The following ROBO2 variants were observed in gnomAD, a reference collection of about 807,000 sequenced individuals.
ROBO2 encodes roundabout homolog 2.
A neutral mutation model predicts 160.8 loss-of-function variants in ROBO2; 53 were observed. The ratio of observed to expected loss-of-function variants is 0.33; its 90% CI spans 0.26 to 0.41. The LOEUF (loss-of-function observed/expected upper bound fraction) is 0.41. Ranked by LOEUF, ROBO2 falls within the 10% of genes least tolerant of loss-of-function variation. ROBO2 has a pLI of 1.00. For synonymous variants in ROBO2, 664 were observed against 611.7 expected, an observed-to-expected ratio of 1.09 and a Z score of -1.26; for missense variants, 1,577 against 1,722.4, an observed-to-expected ratio of 0.92 and a Z score of 1.49.
intron 2 of ROBO2, among the ~76,000 whole-genome samples, chr3:77,289,760 T>A (rs1288117478): frequency 1.3e-5 from 2 of 151,362 alleles, no homozygotes; most frequent in East Asian, 3.9e-4. Flanking sequence ...AGACATAAAG[T>A]AAAATTGATG....
At chr3:76,718,028 T>A (rs1243285834) in intron 2 of ROBO2, among the ~76,000 whole-genome samples, 1 of 152,214 alleles carries the variant, frequency 6.6e-6, no homozygotes, top group Non-Finnish European at 1.5e-5. Flanking sequence ...TCTGGCATAT[T>A]CATTTTTACC....
chr3:76,225,895 T>G (rs1011918401), intron 2 of ROBO2, among the ~76,000 whole-genome samples: 16 of 152,182 alleles, frequency 1.1e-4, no homozygotes, highest in Admixed American at 3.3e-4. Flanking sequence ...CTCTAAGATT[T>G]TTTTTCCAAG....
chr3:77,140,545 A>T (rs1427833540), intron 2 of ROBO2, among the ~76,000 whole-genome samples: 4 of 152,318 alleles, frequency 2.6e-5, no homozygotes, highest in African/African-American at 9.6e-5. Context: ...TATGGTGGTA[A>T]CTGGGTGCTA....
rs1045380114 is a variant in ROBO2 at position 76,811,916 on chromosome 3, G to A, written c.110-286098G>A. Among the ~76,000 whole-genome samples, 6 of 143,542 alleles carry A rather than the reference G, an allele frequency of 4.2e-5. No homozygotes were observed. The Admixed American group carries it at 4.3e-4, about 10-fold the overall frequency. The allele number at this position is 143,542 out of a possible 152,430, so 94.2% of individuals were successfully genotyped here. ...GATGGGGTCTCATTCTGTATCCCAC[G>A]CTGGAGTGCAATGGCACAATCTTGG... is the stretch of plus-strand genomic sequence containing the variant. On this transcript the variant is annotated intron_variant, in intron 2 of 26. Transcript: ENST00000487694.
intron 2 of ROBO2, among the ~76,000 whole-genome samples, chr3:76,948,802 T>C (rs1415944651): frequency 7.1e-6 from 1 of 140,372 alleles, no homozygotes; most frequent in East Asian, 2.0e-4. Flanking sequence ...GCCTCCCAGG[T>C]TCAAGCGATT....
chr3:77,006,262 TA>T (rs2061571514), intron 2 of ROBO2, among the ~76,000 whole-genome samples: 1 of 151,468 alleles, frequency 6.6e-6, no homozygotes. Flanking sequence ...TAGACACATA[TA>T]ATGTATATAC....
At chr3:76,738,836 GATTGT>G (rs931067141) in intron 2 of ROBO2, among the ~76,000 whole-genome samples, 5 of 89,388 alleles carry the variant, frequency 5.6e-5, no homozygotes, top group African/African-American at 2.2e-4. Context: ...GTTTTCTCTT[GATTGT>G]TTTTTTTTCT....
intron 2 of ROBO2, among the ~76,000 whole-genome samples, chr3:77,028,890 A>T (rs941672500): frequency 1.3e-5 from 2 of 152,150 alleles, no homozygotes; most frequent in Non-Finnish European, 2.9e-5. Context: ...GAAAACCACT[A>T]TATCCTTCTT....
intron 2 of ROBO2, among the ~76,000 whole-genome samples, chr3:76,288,987 T>G (rs1439233375): frequency 6.6e-6 from 1 of 152,126 alleles, no homozygotes; most frequent in Non-Finnish European, 1.5e-5. Flanking sequence ...GTAGAAAAAT[T>G]TATATTTTGG....
intron 2 of ROBO2, among the ~76,000 whole-genome samples, chr3:76,522,962 T>C (rs1426579682): frequency 6.7e-6 from 1 of 148,828 alleles, no homozygotes; most frequent in East Asian, 1.9e-4. Context: ...ATTTTTATTA[T>C]GATTATATAA....
At chr3:76,816,820 C>A (rs2109066724) in intron 2 of ROBO2, among the ~76,000 whole-genome samples, 1 of 152,120 alleles carries the variant, frequency 6.6e-6, no homozygotes, top group Admixed American at 6.6e-5. Flanking sequence ...GGAACCAACC[C>A]AAATGCCCAT....
At chr3:76,177,649 A>G (rs1425653497) in intron 2 of ROBO2, among the ~76,000 whole-genome samples, 4 of 152,010 alleles carry the variant, frequency 2.6e-5, no homozygotes, top group Admixed American at 1.3e-4. Context: ...GAGATGTTCT[A>G]TTTTACATGC....
At chr3:76,713,681 C>T (rs1299259370) in intron 2 of ROBO2, among the ~76,000 whole-genome samples, 2 of 152,126 alleles carry the variant, frequency 1.3e-5, no homozygotes, top group South Asian at 2.1e-4. Context: ...AGAAAATTAC[C>T]TCTTTGCTTT....
intron 2 of ROBO2, among the ~76,000 whole-genome samples, chr3:76,503,065 A>G (rs1160074067): frequency 6.6e-6 from 1 of 151,810 alleles, no homozygotes. Flanking sequence ...ATTAAGTATT[A>G]ACTTACATGA....
intron 2 of ROBO2, among the ~76,000 whole-genome samples, chr3:76,321,032 T>C (rs765343391): frequency 5.4e-4 from 82 of 152,296 alleles, no homozygotes; most frequent in Non-Finnish European, 9.1e-4. Flanking sequence ...AAATATTTAC[T>C]GAATGCTCCT....
At chr3:77,500,729 T>C (rs1402137306) in intron 5 of ROBO2, among the ~76,000 whole-genome samples, 1 of 152,186 alleles carries the variant, frequency 6.6e-6, no homozygotes, top group Non-Finnish European at 1.5e-5. Context: ...AGTTTTCCTG[T>C]GTTTTCATCA....
At chr3:76,745,772 C>G (rs2093875532) in intron 2 of ROBO2, among the ~76,000 whole-genome samples, 1 of 150,302 alleles carries the variant, frequency 6.7e-6, no homozygotes, top group South Asian at 2.1e-4. Flanking sequence ...TCTAAAAATA[C>G]TCAAATAATT....
At chr3:77,081,845 A>T (rs2068699667) in intron 1 of ROBO2, among the ~76,000 whole-genome samples, 1 of 152,048 alleles carries the variant, frequency 6.6e-6, no homozygotes, top group Non-Finnish European at 1.5e-5. Context: ...TCCTCCCCAA[A>T]CTCCAATGCT....
intron 2 of ROBO2, among the ~76,000 whole-genome samples, chr3:76,745,097 TTAAGTA>T (rs2093864283): frequency 6.6e-6 from 1 of 152,196 alleles, no homozygotes; most frequent in Admixed American, 6.5e-5. Context: ...TTGTCTTTCC[TTAAGTA>T]TATTTGAGGA....
Sources: gnomAD v4.1 joint callset for allele counts (sites outside exome capture counted in the v4.1 genomes callset) on GRCh38, gnomAD v4.1.1 for gene constraint, MANE v1.5 for transcripts, NCBI Gene and HGNC (gene_info 2026-07-23, HGNC 2026-07-21) for gene names.